Variants in RIC3 observed in about 807,000 individuals in gnomAD.
RIC3 encodes the protein RIC3 acetylcholine receptor chaperone.
RIC3 carries 28 observed loss-of-function variants against 27.3 expected under a neutral mutation model. The ratio of observed to expected loss-of-function variants is 1.02; its 90% confidence interval spans 0.76 to 1.41. The LOEUF is 1.41. RIC3 is among the 40% of genes most tolerant of loss of function. The probability of loss-of-function intolerance (pLI) is 0.00; values close to 1 mark genes in which losing one functional copy is unlikely to be tolerated. For synonymous variants in RIC3, 184 were observed against 160.4 expected (o/e 1.15, Z -1.11); for missense variants, 501 against 444.7 (o/e 1.13, Z -1.14).
At chr11:8,097,426 G>A in the RIC3 span, 1 of 1,614,208 alleles carries the variant, frequency 6.2e-7, no homozygotes, top group Non-Finnish European at 8.5e-7. Flanking sequence ...TGGGAAGAAG[G>A]TAAGGTTGGT....
At position 8,162,277 on chromosome 11, in the gene RIC3, CCTGT is replaced by C. The variant is rs781151657; in HGVS notation, c.124+6585_124+6588del. Among the ~76,000 whole-genome samples the C allele has an allele frequency of 5.7e-4, 87 of 152,336 alleles. 1 individual carries two copies. Among genetic ancestry groups the C allele is most frequent in the Non-Finnish European group, 1.1e-3 (75 of 68,038 alleles). On this transcript the variant is annotated intron_variant, in intron 1 of 5. Coordinates refer to ENST00000309737, the MANE Select transcript of RIC3 (RefSeq NM_001206671.4). ...TTCATTTACACAAGTCAATAAATTC[CCTGT>C]CTTAGTCAAGCTGACTTTTCTGTCA...
the RIC3 span, chr11:8,094,187 A>C: frequency 6.2e-7 from 1 of 1,611,580 alleles, no homozygotes; most frequent in African/African-American, 1.3e-5. Flanking sequence ...GGAAAGCACA[A>C]AGGTCAGCTC....
At chr11:8,095,916 T>C in the RIC3 span, among the ~76,000 whole-genome samples, 4 of 152,198 alleles carry the variant, frequency 2.6e-5, no homozygotes, top group Admixed American at 2.6e-4. Flanking sequence ...TTGCAAGAAG[T>C]TTCCCATATG....
chr11:8,163,018 AACACACACACACAC>A (rs59248468), intron 1 of RIC3, among the ~76,000 whole-genome samples: 1 of 135,964 alleles, frequency 7.4e-6, no homozygotes, highest in Non-Finnish European at 1.6e-5. Context: ...GGATTATTTA[AACACACACACACAC>A]ACACACACAC....
chr11:8,101,488 G>C, downstream of RIC3: 1 of 1,614,156 alleles, frequency 6.2e-7, no homozygotes, highest in Non-Finnish European at 8.5e-7. Context: ...GGCCCCAGCG[G>C]ACTACATCGT....
intron 4 of RIC3, among the ~76,000 whole-genome samples, chr11:8,131,892 C>A: frequency 9.2e-6 from 1 of 108,568 alleles, no homozygotes; most frequent in African/African-American, 3.8e-5. Flanking sequence ...CAGAGAGAGA[C>A]TCCATCTCAA....
At chr11:8,149,024 C>CAAAAA (rs34536745) in intron 1 of RIC3, among the ~76,000 whole-genome samples, 1 of 96,160 alleles carries the variant, frequency 1.0e-5, no homozygotes, top group African/African-American at 3.5e-5. Flanking sequence ...ACTAAAAATA[C>CAAAAA]AAAAAAAAAA....
intron 1 of RIC3, among the ~76,000 whole-genome samples, chr11:8,155,945 G>A (rs1432327657): frequency 6.6e-6 from 1 of 152,060 alleles, no homozygotes; most frequent in Non-Finnish European, 1.5e-5. Context: ...TCCTCCAAGG[G>A]CCCTATCTTG....
chr11:8,142,839 G>C (rs1239226407), intron 1 of RIC3, among the ~76,000 whole-genome samples: 1 of 95,632 alleles, frequency 1.0e-5, no homozygotes, highest in East Asian at 2.9e-4. Flanking sequence ...ATGATCAAGT[G>C]GGCTTCATCC....
intron 1 of RIC3, among the ~76,000 whole-genome samples, chr11:8,165,434 G>C (rs1951590339): frequency 6.6e-6 from 1 of 151,974 alleles, no homozygotes; most frequent in African/African-American, 2.4e-5. Context: ...AGTCACAAAA[G>C]ATCAGATATT....
At chr11:8,125,905 G>A (rs1946942679) in intron 5 of RIC3, among the ~76,000 whole-genome samples, 1 of 152,158 alleles carries the variant, frequency 6.6e-6, no homozygotes, top group South Asian at 2.1e-4. Context: ...CAGGTGTGGT[G>A]CCAGGCACCT....
intron 1 of RIC3, among the ~76,000 whole-genome samples, chr11:8,144,844 G>A: frequency 6.6e-6 from 1 of 151,890 alleles, no homozygotes; most frequent in African/African-American, 2.4e-5. Context: ...GGAATACTAT[G>A]CAGCCATAAA....
the RIC3 span, chr11:8,094,242 G>C: frequency 1.3e-6 from 2 of 1,540,118 alleles, no homozygotes; most frequent in Non-Finnish European, 1.8e-6. Context: ...TCCACTGTAG[G>C]GCTGGGGAAG....
chr11:8,098,730 C>A, the RIC3 span: 1 of 1,544,170 alleles, frequency 6.5e-7, no homozygotes, highest in Non-Finnish European at 9.0e-7. Context: ...GGGTGCATGA[C>A]TCTATACTGA....
At chr11:8,093,297 G>C in the RIC3 span, among the ~76,000 whole-genome samples, 2 of 152,164 alleles carry the variant, frequency 1.3e-5, no homozygotes, top group Non-Finnish European at 2.9e-5. Context: ...CCTGTGGCAA[G>C]AGGGAGTGCA....
At chr11:8,146,910 C>T (rs1438519027) in intron 1 of RIC3, among the ~76,000 whole-genome samples, 1 of 152,144 alleles carries the variant, frequency 6.6e-6, no homozygotes, top group Non-Finnish European at 1.5e-5. Flanking sequence ...TCTCAGATAG[C>T]AGACTTCTGA....
chr11:8,106,219 A>AAATT lies in RIC3; in HGVS notation c.*4475_*4478dup, dbSNP rs1465553460. On this transcript the variant is annotated 3_prime_UTR_variant, in exon 6 of 6. Coordinates refer to ENST00000309737, the MANE Select transcript of RIC3 (RefSeq NM_001206671.4). ...TGTCTAAGTACACACATATATCAAC[A>AAATT]AATTAAACTTGAATCGTTTCAACAC... 1.6e-4 allele frequency: 24 copies of AAATT among 152,234 alleles called. No individual in the cohort carries two copies. Among genetic ancestry groups the AAATT allele is most frequent in the African/African-American group, 5.5e-4 (23 of 41,452 alleles). 9.4% of individuals were successfully genotyped at this position (152,234 alleles called of 1,614,324 possible).
the RIC3 span, chr11:8,097,557 G>C: frequency 5.1e-6 from 7 of 1,374,330 alleles, no homozygotes; most frequent in Non-Finnish European, 6.1e-6. Context: ...TTCGTGTCTG[G>C]TCTGTGCACA....
rs1944623380 is a variant in RIC3 at position 8,106,210 on chromosome 11, T to C, written c.*4488A>G. 6.6e-6 allele frequency: 1 copy of C among 152,158 alleles called. No individual in the cohort carries two copies. The highest frequency in any genetic ancestry group is 2.4e-5 in the African/African-American group (1 of 41,464). The allele number at this position is 152,158 out of a possible 1,614,324, so 9.4% of individuals were successfully genotyped here. On this transcript the variant is annotated 3_prime_UTR_variant, in exon 6 of 6. Coordinates refer to ENST00000309737, the MANE Select transcript of RIC3 (RefSeq NM_001206671.4). The stretch of plus-strand genomic sequence containing the variant: ...TTTAGTGTTTGTCTAAGTACACACA[T>C]ATATCAACAAATTAAACTTGAATCG...
Sources: gnomAD v4.1 joint callset for allele counts (sites outside exome capture counted in the v4.1 genomes callset) on GRCh38, gnomAD v4.1.1 for gene constraint, MANE v1.5 for transcripts, NCBI Gene and HGNC (gene_info 2026-07-23, HGNC 2026-07-21) for gene names.